The following TENM1 variants were observed in gnomAD, a reference collection of about 807,000 sequenced individuals.
TENM1 encodes teneurin-1.
In TENM1, 35 loss-of-function variants were observed where a neutral mutation model predicts 174.8. The ratio of observed to expected loss-of-function variants is 0.20; its 90% CI spans 0.15 to 0.27. The LOEUF is 0.27. Ranked by LOEUF, TENM1 falls within the 10% of genes least tolerant of loss-of-function variation. TENM1 has a pLI of 1.00. For synonymous variants in TENM1, 781 were observed against 798.7 expected, an observed-to-expected ratio of 0.98 and a Z score of 0.37; for missense variants, 1,633 against 2,130.1, an observed-to-expected ratio of 0.77 and a Z score of 4.59.
intron 3 of TENM1, among the ~76,000 whole-genome samples, chrX:124,872,533 G>A (rs192563819): frequency 8.9e-6 from 1 of 112,091 alleles, no homozygotes; most frequent in Non-Finnish European, 1.9e-5. Context: ...ATCAACTTTG[G>A]TGAATAAGGA....
intron 1 of TENM1, among the ~76,000 whole-genome samples, chrX:124,929,834 T>C (rs1378539221): frequency 8.9e-6 from 1 of 112,206 alleles, no homozygotes; most frequent in African/African-American, 3.2e-5. Flanking sequence ...AAAGAAGCAC[T>C]TTATTTTCTG....
At chrX:124,413,221 T>C (rs2060556087) in intron 25 of TENM1, among the ~76,000 whole-genome samples, 1 of 112,187 alleles carries the variant, frequency 8.9e-6, no homozygotes, top group Non-Finnish European at 1.9e-5. Flanking sequence ...GCAGACCCAG[T>C]TCATATATGA....
intron 22 of TENM1, among the ~76,000 whole-genome samples, chrX:124,480,389 A>G (rs1257643128): frequency 3.6e-5 from 4 of 112,384 alleles, no homozygotes; most frequent in Admixed American, 1.9e-4. Flanking sequence ...TTCAATCCCA[A>G]TATAGCAAAC....
chrX:124,493,591 G>A (rs1235731648), intron 20 of TENM1, among the ~76,000 whole-genome samples: 2 of 110,966 alleles, frequency 1.8e-5, no homozygotes, highest in East Asian at 2.8e-4. Context: ...ATTGTTCAGC[G>A]CTCCCATCTA....
At chrX:124,739,207 G>GATA (rs111605872) in intron 3 of TENM1, among the ~76,000 whole-genome samples, 20,539 of 110,636 alleles carry the variant, frequency 0.19, 2,696 homozygotes, top group African/African-American at 0.46. Context: ...GTAAAATAAG[G>GATA]ATAATAATAA....
chrX:124,382,255 G>T (rs1301098362), intron 31 of TENM1, among the ~76,000 whole-genome samples: 1 of 110,893 alleles, frequency 9.0e-6, no homozygotes, highest in Non-Finnish European at 1.9e-5. Context: ...TTCTTTATCA[G>T]AATAATTTTA....
chrX:124,659,266 T>G (rs2051529919), intron 6 of TENM1, among the ~76,000 whole-genome samples: 1 of 111,844 alleles, frequency 8.9e-6, no homozygotes, highest in South Asian at 3.7e-4. Flanking sequence ...ATAAAATATC[T>G]CTTGAAAGAA....
intron 3 of TENM1, among the ~76,000 whole-genome samples, chrX:124,874,803 C>A (rs748520504): frequency 9.0e-6 from 1 of 111,007 alleles, no homozygotes; most frequent in Non-Finnish European, 1.9e-5. Flanking sequence ...TTTATGCCTT[C>A]CAGACTTATT....
intron 11 of TENM1, among the ~76,000 whole-genome samples, chrX:124,621,808 G>A (rs1162914064): frequency 1.8e-5 from 2 of 111,148 alleles, no homozygotes; most frequent in Admixed American, 9.5e-5. Flanking sequence ...AATGTTTTTA[G>A]CATTTAGCAA....
At chrX:125,164,849 G>A in the TENM1 span, among the ~76,000 whole-genome samples, 1 of 111,822 alleles carries the variant, frequency 8.9e-6, no homozygotes, top group Non-Finnish European at 1.9e-5. Context: ...TACCAGAGCA[G>A]AGTCAATATG....
rs1055284278 is a variant in TENM1 at position 124,839,752 on chromosome X, C to T, written c.535+54544G>A. ...TGAAGTACATCAATGGTCATTTAGGCATGAACCAAAAAAAAGTTATTTTAA... is the reference window on the plus strand; with the variant it reads ...TGAAGTACATCAATGGTCATTTAGGTATGAACCAAAAAAAAGTTATTTTAA... On this transcript the variant is annotated intron_variant, in intron 3 of 31. Coordinates refer to ENST00000422452, the Ensembl canonical transcript of TENM1. Among the ~76,000 whole-genome samples the T allele has an allele frequency of 1.5e-4, 17 of 111,928 alleles. 1 individual carries two copies. Among genetic ancestry groups the T allele is most frequent in the African/African-American group, 5.5e-4 (17 of 30,884 alleles).
chrX:124,381,124 G>A lies in TENM1; in HGVS notation c.7611C>T (p.Ile2537=), dbSNP rs746315532. 7 of 1,211,306 alleles carry A rather than the reference G, an allele frequency of 5.8e-6. No homozygotes were observed. In the East Asian group the frequency reaches 1.8e-4, roughly 31 times the overall value. The change falls in exon 32 of 32, where the codon ATC becomes ATT. Residue 2537 remains isoleucine (I), a synonymous_variant. Coordinates refer to ENST00000422452, the Ensembl canonical transcript of TENM1. ...TATCAGCTGTTACTATGCCATCCTT[G>A]ATGGCAAATTTTATACCTTTCCCAA...
chrX:124,815,467 A>G (rs1432285267), intron 3 of TENM1, among the ~76,000 whole-genome samples: 1 of 111,788 alleles, frequency 8.9e-6, no homozygotes, highest in Admixed American at 9.6e-5. Flanking sequence ...TGATTTCATT[A>G]TACAACAAAT....
intron 15 of TENM1, among the ~76,000 whole-genome samples, chrX:124,531,366 A>G (rs946887397): frequency 9.0e-6 from 1 of 110,748 alleles, no homozygotes; most frequent in Non-Finnish European, 1.9e-5. Flanking sequence ...AATAAGCTAC[A>G]GATGGTAGCT....
intron 19 of TENM1, among the ~76,000 whole-genome samples, chrX:124,498,648 T>G (rs925035752): frequency 3.2e-4 from 35 of 108,940 alleles, no homozygotes; most frequent in African/African-American, 1.1e-3. Context: ...GGAGGTTCTA[T>G]TCATCCTTTA....
intron 28 of TENM1, among the ~76,000 whole-genome samples, chrX:124,389,422 C>A (rs1409394451): frequency 8.9e-6 from 1 of 112,081 alleles, no homozygotes; most frequent in Non-Finnish European, 1.9e-5. Flanking sequence ...CCCTGCTCTG[C>A]CCCTGTCATA....
At chrX:124,933,438 C>T (rs368531710) in intron 1 of TENM1, among the ~76,000 whole-genome samples, 17 of 112,326 alleles carry the variant, frequency 1.5e-4, no homozygotes, top group African/African-American at 4.5e-4. Context: ...GTGATTAGAA[C>T]AGTCTTGAGT....
At chrX:124,880,734 T>TA (rs1025665033) in intron 3 of TENM1, among the ~76,000 whole-genome samples, 1 of 111,966 alleles carries the variant, frequency 8.9e-6, no homozygotes, top group Non-Finnish European at 1.9e-5. Context: ...TTTAATTTTT[T>TA]ATCATGAGGG....
At chrX:124,693,115 C>T (rs1254912106) in intron 5 of TENM1, among the ~76,000 whole-genome samples, 1 of 107,738 alleles carries the variant, frequency 9.3e-6, no homozygotes, top group Non-Finnish European at 1.9e-5. Context: ...GATTTTCTTT[C>T]TTTTACAAAT....
Sources: allele counts gnomAD v4.1 joint callset (sites outside exome capture counted in the v4.1 genomes callset), GRCh38; gene constraint gnomAD v4.1.1; transcripts MANE v1.5; gene names NCBI Gene and HGNC (gene_info 2026-07-23, HGNC 2026-07-21).